ACOT4: variants seen among roughly 807,000 people sequenced by gnomAD.
The protein encoded by ACOT4 is acyl-CoA thioesterase 4.
Under a neutral mutation model 17.1 loss-of-function variants are expected in ACOT4, and 18 were observed. That is an observed-to-expected ratio of 1.05 (90% CI 0.73 to 1.56). ACOT4 has a LOEUF of 1.56. Among genes scored for constraint, ACOT4 ranks in the 40% most tolerant of loss-of-function variants. The pLI is 0.00. For synonymous variants in ACOT4, 234 were observed against 236.6 expected, an observed-to-expected ratio of 0.99 and a Z score of 0.10; for missense variants, 574 against 557.2, an observed-to-expected ratio of 1.03 and a Z score of -0.30.
At chr14:73,593,187 T>C (rs148561490) in intron 1 of ACOT4, among the ~76,000 whole-genome samples, 2 of 152,314 alleles carry the variant, frequency 1.3e-5, no homozygotes, top group Non-Finnish European at 2.9e-5. Context: ...CAGACTCCAC[T>C]GCCTTTCTCA....
chr14:73,595,240 A>C lies in ACOT4; in HGVS notation c.852A>C (p.Val284=). 2.5e-6 allele frequency: 4 copies of C among 1,614,226 alleles called. No homozygotes were observed. Among genetic ancestry groups the C allele is most frequent in the Non-Finnish European group, 3.4e-6 (4 of 1,180,034 alleles). ...PLGYDLRRIK[V]AFSGLVDIVD... Reference sequence around the variant, plus strand: ...GCTATGACCTGAGGAGAATCAAGGTAGCTTTCTCAGGCCTCGTGGACATTG... The same window carrying C: ...GCTATGACCTGAGGAGAATCAAGGTCGCTTTCTCAGGCCTCGTGGACATTG... Residue 284 remains valine (V), a synonymous_variant, in exon 3 of 3, where the codon GTA becomes GTC. Transcript: ENST00000326303.
At position 73,595,265 on chromosome 14, in the gene ACOT4, G is replaced by C. The variant is rs201028153; in HGVS notation, c.877G>C (p.Val293Leu). 1.9e-6 allele frequency: 3 copies of C among 1,614,042 alleles called. No individual in the cohort carries two copies. The highest frequency in any genetic ancestry group is 1.7e-6 in the Non-Finnish European group (2 of 1,180,048). The change falls in exon 3 of 3, where the codon GTG (valine) becomes CTG (leucine). Residue 293 changes from valine (V) to leucine (L), a missense_variant. Transcript: ENST00000326303. Reference protein sequence around the residue: ...KVAFSGLVDIVDIRNALVGGY... With the variant: ...KVAFSGLVDILDIRNALVGGY... ...AGCTTTCTCAGGCCTCGTGGACATT[G>C]TGGATATAAGGAATGCTCTCGTAGG...
chr14:73,595,175 A>ACAGC lies in ACOT4; in HGVS notation c.790_793dup (p.Ile265SerfsTer5). The ACAGC allele has an allele frequency of 6.2e-7, 1 of 1,614,268 alleles. No homozygotes were observed. The highest frequency in any genetic ancestry group is 8.5e-7 in the Non-Finnish European group (1 of 1,180,050). ...CAATGGATCTGGGATCAGTGGGAAC[A>ACAGC]CAGCCATCAACTATAAGCACAGTAG... On this transcript the variant is annotated frameshift_variant, in exon 3 of 3. Coordinates refer to ENST00000326303, the MANE Select transcript of ACOT4 (RefSeq NM_152331.4). LOFTEE classifies it low-confidence loss of function (END_TRUNC).
chr14:73,591,992 C>A lies in ACOT4; in HGVS notation c.33C>A (p.Gly11=). 7.1e-7 allele frequency: 1 copy of A among 1,418,268 alleles called. No individual in the cohort carries two copies. Among genetic ancestry groups the A allele is most frequent in the Non-Finnish European group, 9.2e-7 (1 of 1,088,308 alleles). The allele number at this position is 1,418,268 out of a possible 1,614,324, so 87.9% of individuals were successfully genotyped here. A position where few individuals can be genotyped will look rare whatever the true frequency, so the allele number is the denominator to read the frequency against. Residue 11 remains glycine (G), a synonymous_variant, in exon 1 of 3, where the codon GGC becomes GGA. Transcript: ENST00000326303. The part of the protein sequence containing the change: MSATLILEPP[G]RCCWNEPVRI... ...CAACGCTGATCCTGGAGCCCCCAGG[C>A]CGCTGCTGCTGGAACGAGCCGGTGC... is the stretch of plus-strand genomic sequence containing the variant.
Position 73,592,038 on chromosome 14 carries a change from GC to G in ACOT4, c.83del (p.Pro28ArgfsTer67). On this transcript the variant is annotated frameshift_variant, in exon 1 of 3. Coordinates refer to ENST00000326303, the MANE Select transcript of ACOT4 (RefSeq NM_152331.4). LOFTEE classifies it high-confidence loss of function. ...GGTGCGCATTGCCGTGCGCGGCCTG[GC>G]CCCGGAGCAGCGGGTTACGCTGCGC... The part of the protein sequence containing the change: ...EPVRIAVRGL[A>X]PEQRVTLRAS... 6.9e-7 allele frequency: 1 copy of G among 1,458,400 alleles called. No individual in the cohort carries two copies. The highest frequency in any genetic ancestry group is 1.4e-5 in the South Asian group (1 of 72,592). The allele number at this position is 1,458,400 out of a possible 1,614,324, so 90.3% of individuals were successfully genotyped here. A position where few individuals can be genotyped will look rare whatever the true frequency, so the allele number is the denominator to read the frequency against.
chr14:73,592,200 C>G lies in ACOT4; in HGVS notation c.241C>G (p.Leu81Val). ...CGCGGGACTCGAGCCCATGGGGCTG[C>G]TCTGGGCCCTGGAACCCGAGAAGCC... ...SFAGLEPMGL[L>V]WALEPEKPFW... The change falls in exon 1 of 3, where the codon CTC becomes GTC. Residue 81 changes from leucine (L) to valine (V), a missense_variant. Physicochemically the swap from Leu to Val is conservative, Grantham distance 32. Transcript: ENST00000326303. 6.2e-7 allele frequency: 1 copy of G among 1,612,186 alleles called. No homozygotes were observed. Among genetic ancestry groups the G allele is most frequent in the Admixed American group, 1.7e-5 (1 of 59,878 alleles).
intron 2 of ACOT4, 49 bp from the exon 3 acceptor site, chr14:73,595,000 C>A: frequency 6.3e-7 from 1 of 1,597,564 alleles, no homozygotes; most frequent in Non-Finnish European, 8.5e-7. Context: ...CCACCGCACC[C>A]AATCTGGATA....
chr14:73,592,092 CTCT>C lies in ACOT4; in HGVS notation c.136_138del (p.Phe46del). 6.7e-7 allele frequency: 1 copy of C among 1,490,968 alleles called. No individual in the cohort carries two copies. The highest frequency in any genetic ancestry group is 2.8e-5 in the East Asian group (1 of 36,122). 92.4% of individuals were successfully genotyped at this position (1,490,968 alleles called of 1,614,324 possible). A position where few individuals can be genotyped will look rare whatever the true frequency, so the allele number is the denominator to read the frequency against. The stretch of plus-strand genomic sequence containing the variant: ...GTCCCTGCGCGACGAGAAGGGCGCG[CTCT>C]TCCGGGCCCACGCGCGCTACTGCGC... On this transcript the variant is annotated inframe_deletion, in exon 1 of 3. Transcript: ENST00000326303.
chr14:73,592,819 C>G (rs1029553611), intron 1 of ACOT4, among the ~76,000 whole-genome samples: 2 of 152,162 alleles, frequency 1.3e-5, no homozygotes, highest in Admixed American at 6.5e-5. Flanking sequence ...CACCACTGCA[C>G]TCCAGCCTGG....
intron 2 of ACOT4, 54 bp from the exon 3 acceptor site, chr14:73,594,995 G>A (rs1449899022): frequency 9.4e-6 from 15 of 1,591,524 alleles, no homozygotes; most frequent in African/African-American, 2.7e-5. Flanking sequence ...ATGAGCCACC[G>A]CACCCAATCT....
chr14:73,592,122 G>T lies in ACOT4; in HGVS notation c.163G>T (p.Asp55Tyr), dbSNP rs776738634. 1 of 1,553,608 alleles carries T rather than the reference G, an allele frequency of 6.4e-7. No homozygotes were observed. The highest frequency in any genetic ancestry group is 1.2e-5 in the South Asian group (1 of 83,890). ...CCGGGCCCACGCGCGCTACTGCGCC[G>T]ACGCCCGCGGCGAGCTGGACCTGGA... ...LFRAHARYCADARGELDLERA... is the reference protein window; with the variant it reads ...LFRAHARYCAYARGELDLERA... The change falls in exon 1 of 3, where the codon GAC (aspartate) becomes TAC (tyrosine). Residue 55 changes from aspartate to tyrosine, a missense_variant. Asp to Tyr is a radical substitution (Grantham distance 160). Transcript: ENST00000326303.
rs1226808916 is a variant in ACOT4, at chr14:73,595,697, C to T, written c.*43C>T. 1 of 1,505,010 alleles carries T rather than the reference C, an allele frequency of 6.6e-7. No homozygotes were observed. Among genetic ancestry groups the T allele is most frequent in the Admixed American group, 2.3e-5 (1 of 44,064 alleles). 93.2% of individuals were successfully genotyped at this position (1,505,010 alleles called of 1,614,324 possible). On this transcript the variant is annotated 3_prime_UTR_variant, in exon 3 of 3. Transcript: ENST00000326303. Reference sequence around the variant, plus strand: ...GACATGAGAGATTCAAGATCAGATTCTAGTGTTCAGTAACCCTATGTGAAT... The same window carrying T: ...GACATGAGAGATTCAAGATCAGATTTTAGTGTTCAGTAACCCTATGTGAAT...
rs965484596 is a variant in ACOT4, at chr14:73,593,628, CCA to C, written c.458-71_458-70del. On this transcript the variant is annotated intron_variant, in intron 1 of 2. Transcript: ENST00000326303. ...AAAGTGCTGAGATTACAAGCATGAA[CCA>C]CAGTGTCCAGCCAGGAAAGCAAATT... The C allele has an allele frequency of 3.5e-6, 5 of 1,409,902 alleles. No homozygotes were observed. In the African/African-American group the frequency reaches 4.3e-5, roughly 12 times the overall value. The allele number at this position is 1,409,902 out of a possible 1,614,324, so 87.3% of individuals were successfully genotyped here. A position where few individuals can be genotyped will look rare whatever the true frequency, so the allele number is the denominator to read the frequency against.
chr14:73,592,152 G>C lies in ACOT4; in HGVS notation c.193G>C (p.Ala65Pro). The part of the protein sequence containing the change: ...DARGELDLER[A>P]PALGGSFAGL... Reference sequence around the variant, plus strand: ...CCGCGGCGAGCTGGACCTGGAGCGCGCACCCGCGCTGGGCGGCAGCTTCGC... The same window carrying C: ...CCGCGGCGAGCTGGACCTGGAGCGCCCACCCGCGCTGGGCGGCAGCTTCGC... The change falls in exon 1 of 3, where the codon GCA becomes CCA. Residue 65 changes from alanine (A) to proline (P), a missense_variant. Coordinates refer to ENST00000326303, the MANE Select transcript of ACOT4 (RefSeq NM_152331.4). 1 of 1,594,282 alleles carries C rather than the reference G, an allele frequency of 6.3e-7. No homozygotes were observed. Among genetic ancestry groups the C allele is most frequent in the South Asian group, 1.1e-5 (1 of 88,422 alleles).
Position 73,595,475 on chromosome 14 carries a change from G to A in ACOT4, c.1087G>A (p.Glu363Lys), listed in dbSNP as rs751971603. Residue 363 changes from glutamate (E) to lysine (K), a missense_variant, in exon 3 of 3, where the codon GAG becomes AAG. Glu to Lys is a moderately conservative substitution (Grantham distance 56). Transcript: ENST00000326303. ...ICYPGTGHYI[E>K]PPYFPLCPAS... ...TTACCCTGGGACTGGGCATTACATC[G>A]AGCCTCCTTACTTCCCCCTGTGCCC... The A allele has an allele frequency of 4.5e-5, 72 of 1,613,934 alleles. No individual in the cohort carries two copies. The highest frequency in any genetic ancestry group is 5.6e-5 in the Non-Finnish European group (66 of 1,179,962).
rs1177377018 is a variant in ACOT4, at chr14:73,592,000, G to T, written c.41G>T (p.Cys14Phe). The T allele has an allele frequency of 2.1e-6, 3 of 1,426,340 alleles. No individual in the cohort carries two copies. Among genetic ancestry groups the T allele is most frequent in the African/African-American group, 1.5e-5 (1 of 65,996 alleles). 88.4% of individuals were successfully genotyped at this position (1,426,340 alleles called of 1,614,324 possible). The change falls in exon 1 of 3, where the codon TGC becomes TTC. Residue 14 changes from cysteine to phenylalanine, a missense_variant. Transcript: ENST00000326303. ...TLILEPPGRCCWNEPVRIAVR... is the reference protein window; with the variant it reads ...TLILEPPGRCFWNEPVRIAVR... ...ATCCTGGAGCCCCCAGGCCGCTGCT[G>T]CTGGAACGAGCCGGTGCGCATTGCC...
At chr14:73,592,464 TC>T in intron 1 of ACOT4, 48 bp downstream of exon 1, 6 of 1,449,546 alleles carry the variant, frequency 4.1e-6, no homozygotes, top group Non-Finnish European at 5.4e-6. Context: ...GGCCTGAGTC[TC>T]CGTTTGTTTC....
rs780058807 is a variant in ACOT4, at chr14:73,595,642, C to T, written c.1254C>T (p.Val418=). Residue 418 remains valine (V), a synonymous_variant, in exon 3 of 3, where the codon GTC becomes GTT. Transcript: ENST00000326303. ...TGGGAGGTACCCAGAAAACAGCTGT[C>T]CCTAAATTGTAATGCATTTGTCTGT... ...KHLGGTQKTA[V]PKL is the part of the protein sequence containing the mutation. 1 of 1,520,682 alleles carries T rather than the reference C, an allele frequency of 6.6e-7. No homozygotes were observed. The highest frequency in any genetic ancestry group is 1.3e-5 in the South Asian group (1 of 75,528). The allele number at this position is 1,520,682 out of a possible 1,614,324, so 94.2% of individuals were successfully genotyped here. A position where few individuals can be genotyped will look rare whatever the true frequency, so the allele number is the denominator to read the frequency against.
intron 1 of ACOT4, among the ~76,000 whole-genome samples, chr14:73,592,984 T>TTCAGGTCG (rs1403093364): frequency 6.6e-6 from 1 of 152,224 alleles, no homozygotes; most frequent in East Asian, 1.9e-4. Flanking sequence ...AAAAAACAGG[T>TTCAGGTCG]TCAGGTCGTC....
Sources: gnomAD v4.1 joint callset for allele counts (sites outside exome capture counted in the v4.1 genomes callset) on GRCh38, gnomAD v4.1.1 for gene constraint, MANE v1.5 for transcripts, NCBI Gene and HGNC (gene_info 2026-07-23, HGNC 2026-07-21) for gene names.